Variants in BPTF observed in about 807,000 individuals in gnomAD.
BPTF encodes the protein nucleosome-remodeling factor subunit BPTF.
Under a neutral mutation model 292.5 loss-of-function variants are expected in BPTF, and 18 were observed. The ratio of observed to expected loss-of-function variants is 0.06; its 90% CI spans 0.04 to 0.09. The LOEUF (loss-of-function observed/expected upper bound fraction) is 0.09. Ranked by LOEUF, BPTF falls within the 10% of genes least tolerant of loss-of-function variation. BPTF has a pLI of 1.00. For synonymous variants in BPTF, 1,225 were observed against 1,251.9 expected (o/e 0.98, Z 0.45); for missense variants, 2,726 against 3,498.7 (o/e 0.78, Z 5.57).
At chr17:67,921,559 A>G (rs2063441497) in intron 13 of BPTF, among the ~76,000 whole-genome samples, 1 of 152,104 alleles carries the variant, frequency 6.6e-6, no homozygotes, top group Non-Finnish European at 1.5e-5. Flanking sequence ...ATAAATAAAA[A>G]GATAATGTCC....
At chr17:67,866,932 A>C (rs2145482935) in intron 3 of BPTF, among the ~76,000 whole-genome samples, 1 of 152,326 alleles carries the variant, frequency 6.6e-6, no homozygotes. Context: ...TAGGCTGCAA[A>C]CCTGTACGTC....
Position 67,948,325 on chromosome 17 carries a change from T to C in BPTF, c.7926+19T>C. Reference sequence around the variant, plus strand: ...AGTGCAGGTAAGAGGGCACATCCTTTTCTTCTGTGTCCAGTGTTTAACATC... The same window carrying C: ...AGTGCAGGTAAGAGGGCACATCCTTCTCTTCTGTGTCCAGTGTTTAACATC... On this transcript the variant is annotated intron_variant, in intron 23 of 27. Coordinates refer to ENST00000306378, the MANE Select transcript of BPTF (RefSeq NM_182641.4). 6.3e-7 allele frequency: 1 copy of C among 1,592,334 alleles called. No individual in the cohort carries two copies. The highest frequency in any genetic ancestry group is 8.6e-7 in the Non-Finnish European group (1 of 1,167,434).
intron 27 of BPTF, chr17:67,981,645 C>A: frequency 9.8e-7 from 1 of 1,022,284 alleles, no homozygotes; most frequent in Non-Finnish European, 1.2e-6. Context: ...AAATTGTAAA[C>A]TCTTGGAATA....
chr17:67,952,830 T>C (rs1210227724), intron 23 of BPTF, among the ~76,000 whole-genome samples: 15 of 152,326 alleles, frequency 9.8e-5, no homozygotes, highest in Admixed American at 2.0e-4. Context: ...GCCCTAACAA[T>C]CCCGTGTGCC....
intron 26 of BPTF, among the ~76,000 whole-genome samples, chr17:67,972,868 T>C (rs7406143): frequency 0.88 from 133,727 of 151,380 alleles, 61,456 homozygotes; most frequent in East Asian, 1. Flanking sequence ...GATGTGTGCG[T>C]TCTTTCCTGA....
intron 13 of BPTF, among the ~76,000 whole-genome samples, chr17:67,922,314 T>C (rs1179885549): frequency 6.6e-6 from 1 of 152,216 alleles, no homozygotes; most frequent in Non-Finnish European, 1.5e-5. Flanking sequence ...TTTAAATCTT[T>C]TTATGAGGAG....
At chr17:67,953,841 A>G (rs1470043518) in intron 23 of BPTF, among the ~76,000 whole-genome samples, 2 of 151,988 alleles carry the variant, frequency 1.3e-5, no homozygotes, top group South Asian at 2.1e-4. Context: ...CAGCCTCCCA[A>G]AGTGCTGGGA....
At chr17:67,952,201 A>G (rs1482599112) in intron 23 of BPTF, among the ~76,000 whole-genome samples, 1 of 151,386 alleles carries the variant, frequency 6.6e-6, no homozygotes, top group Non-Finnish European at 1.5e-5. Context: ...TTTTAATTTT[A>G]TAAGATATGT....
chr17:67,901,425 G>C (rs1250060976), intron 7 of BPTF, among the ~76,000 whole-genome samples: 1 of 152,012 alleles, frequency 6.6e-6, no homozygotes, highest in Admixed American at 6.5e-5. Flanking sequence ...AGATGCCATA[G>C]AGGAAAAAAG....
At chr17:67,899,579 G>A (rs2146515163) in intron 7 of BPTF, among the ~76,000 whole-genome samples, 1 of 145,586 alleles carries the variant, frequency 6.9e-6, no homozygotes, top group East Asian at 2.0e-4. Context: ...CGCTCAGGCT[G>A]GAGTGCAGTG....
Position 67,982,549 on chromosome 17 carries a change from T to C in BPTF, c.*261T>C, listed in dbSNP as rs1381439877. The stretch of plus-strand genomic sequence containing the variant: ...GGCAGAAGCGAGAAAACTTTGTTTA[T>C]TGAAAAAAAAAGAAAAAGAAAGCAA... On this transcript the variant is annotated 3_prime_UTR_variant, in exon 28 of 28. Coordinates refer to ENST00000306378, the MANE Select transcript of BPTF (RefSeq NM_182641.4). 5.7e-6 allele frequency: 2 copies of C among 353,436 alleles called. No individual in the cohort carries two copies. The highest frequency in any genetic ancestry group is 1.0e-5 in the Non-Finnish European group (2 of 195,184). 21.9% of individuals were successfully genotyped at this position (353,436 alleles called of 1,614,324 possible). A position where few individuals can be genotyped will look rare whatever the true frequency, so the allele number is the denominator to read the frequency against.
At chr17:67,827,399 T>C (rs2143577442) in intron 1 of BPTF, among the ~76,000 whole-genome samples, 1 of 152,278 alleles carries the variant, frequency 6.6e-6, no homozygotes, top group Non-Finnish European at 1.5e-5. Flanking sequence ...CGAGATGCAT[T>C]TGGTGAAACA....
intron 4 of BPTF, among the ~76,000 whole-genome samples, chr17:67,880,185 C>T (rs1354786645): frequency 1.4e-4 from 22 of 152,028 alleles, no homozygotes; most frequent in Admixed American, 1.4e-3. Context: ...CCCCGTTAAT[C>T]GTGTTGTGAG....
chr17:67,910,868 G>T lies in BPTF; in HGVS notation c.2993-9G>T. Reference sequence around the variant, plus strand: ...AAATTACATTTATATAAATGTCTTTGTTTCACAGATGTGAAGGAGCTCTTA... The same window carrying T: ...AAATTACATTTATATAAATGTCTTTTTTTCACAGATGTGAAGGAGCTCTTA... On this transcript the variant is annotated splice_polypyrimidine_tract_variant and intron_variant, in intron 10 of 27. Transcript: ENST00000306378. 4 of 1,536,256 alleles carry T rather than the reference G, an allele frequency of 2.6e-6. No homozygotes were observed. Among genetic ancestry groups the T allele is most frequent in the Non-Finnish European group, 3.5e-6 (4 of 1,141,642 alleles).
chr17:67,847,045 G>C (rs1157677182), intron 1 of BPTF, among the ~76,000 whole-genome samples: 1 of 152,130 alleles, frequency 6.6e-6, no homozygotes, highest in African/African-American at 2.4e-5. Context: ...TTTGGGACCT[G>C]TGTTGGTTGT....
intron 23 of BPTF, among the ~76,000 whole-genome samples, chr17:67,958,721 T>C (rs537316074): frequency 1.7e-4 from 25 of 150,972 alleles, no homozygotes; most frequent in African/African-American, 5.4e-4. Context: ...ACAAAGCACT[T>C]TGGGAGGCCG....
At chr17:67,972,069 T>A (rs2068826135) in intron 26 of BPTF, among the ~76,000 whole-genome samples, 1 of 152,166 alleles carries the variant, frequency 6.6e-6, no homozygotes, top group South Asian at 2.1e-4. Flanking sequence ...ACTCCTATAG[T>A]GTCCCCTATA....
At position 67,854,725 on chromosome 17, in the gene BPTF, C is replaced by T. The variant is rs146805567; in HGVS notation, c.1399C>T (p.Arg467Trp). ...TGAACCTATTGGATATGATAGAAGT[C>T]GGAGGAAATACTGGTTCTTGAACCG... is the stretch of plus-strand genomic sequence containing the variant. Reference protein sequence around the residue: ...RHEPIGYDRSRRKYWFLNRRL... With the variant: ...RHEPIGYDRSWRKYWFLNRRL... The change falls in exon 2 of 28, where the codon CGG becomes TGG. Residue 467 changes from arginine to tryptophan, a missense_variant. Around this residue, in one of 22 missense-constraint regions of BPTF, gnomAD observed 22 missense variants for 97.3 expected, o/e 0.23. Transcript: ENST00000306378. This position sits in a 1 kb window ranked among gnomAD's most constrained non-coding sequence, Gnocchi z 5.6. The T allele has an allele frequency of 2.2e-5, 35 of 1,613,840 alleles. No individual in the cohort carries two copies. Among genetic ancestry groups the T allele is most frequent in the Admixed American group, 5.0e-5 (3 of 59,984 alleles).
At chr17:67,930,616 A>G (rs1361977838) in intron 17 of BPTF, among the ~76,000 whole-genome samples, 1 of 152,158 alleles carries the variant, frequency 6.6e-6, no homozygotes, top group African/African-American at 2.4e-5. Context: ...TAACTATAAA[A>G]CTGAAAATAA....
Sources: gnomAD v4.1 joint callset for allele counts (sites outside exome capture counted in the v4.1 genomes callset) on GRCh38, gnomAD v4.1.1 for gene constraint, gnomAD v4.1.1 regional missense constraint, Gnocchi (gnomAD v3.1) non-coding constraint, MANE v1.5 for transcripts, NCBI Gene and HGNC (gene_info 2026-07-23, HGNC 2026-07-21) for gene names.